Variants in GRID1 observed in about 807,000 individuals in gnomAD.
The protein encoded by GRID1 is glutamate receptor ionotropic, delta-1.
Under a neutral mutation model 98.0 loss-of-function variants are expected in GRID1, and 28 were observed. The ratio of observed to expected loss-of-function variants is 0.29; its 90% confidence interval spans 0.21 to 0.39. GRID1 has a LOEUF of 0.39. Ranked by LOEUF, GRID1 falls within the 10% of genes least tolerant of loss-of-function variation. The probability of loss-of-function intolerance (pLI) is 1.00; values close to 1 mark genes in which losing one functional copy is unlikely to be tolerated. For missense variants in GRID1, 1,111 were observed against 1,340.5 expected (o/e 0.83, Z 2.67); for synonymous variants, 553 against 538.5 (o/e 1.03, Z -0.37).
chr10:85,835,083 G>A (rs976159611), intron 8 of GRID1, among the ~76,000 whole-genome samples: 2 of 152,022 alleles, frequency 1.3e-5, no homozygotes, highest in African/African-American at 4.8e-5. Context: ...GAGATAAAGA[G>A]GGACATTACA....
At chr10:86,344,359 A>G (rs142283485) in intron 2 of GRID1, among the ~76,000 whole-genome samples, 290 of 152,358 alleles carry the variant, frequency 1.9e-3, no homozygotes, top group African/African-American at 6.4e-3. Flanking sequence ...CACAGCCAAT[A>G]AGAGGCAGAA....
At chr10:86,364,918 G>C (rs567276252) in intron 1 of GRID1, among the ~76,000 whole-genome samples, 5 of 152,320 alleles carry the variant, frequency 3.3e-5, no homozygotes, top group Admixed American at 1.3e-4. Context: ...CAGCTTCCAC[G>C]GACCCTGCGC....
intron 6 of GRID1, among the ~76,000 whole-genome samples, chr10:85,865,464 TGGTCC>T (rs1271526048): frequency 2.6e-5 from 4 of 152,158 alleles, no homozygotes; most frequent in Non-Finnish European, 5.9e-5. Context: ...CTGTTCTTCT[TGGTCC>T]TCCCAGAAAC....
chr10:86,276,852 T>C (rs1847278463), intron 2 of GRID1, among the ~76,000 whole-genome samples: 5 of 151,300 alleles, frequency 3.3e-5, no homozygotes, highest in Admixed American at 3.3e-4. Context: ...TGGGACGACA[T>C]ATTTCAAGTG....
rs1842553936 is a variant in GRID1 at position 85,600,122 on chromosome 10, A to C, written c.*2151T>G. 1 of 152,270 alleles carries C rather than the reference A, an allele frequency of 6.6e-6. No individual in the cohort carries two copies. The highest frequency in any genetic ancestry group is 2.1e-4 in the South Asian group (1 of 4,804). 9.4% of individuals were successfully genotyped at this position (152,270 alleles called of 1,614,324 possible). ...AGGCAGTGAGACCAGAGTTTGATTA[A>C]AAAAATAGAGAGATATATATGTGAA... On this transcript the variant is annotated 3_prime_UTR_variant, in exon 16 of 16. Transcript: ENST00000327946.
chr10:85,694,411 T>C lies in GRID1; in HGVS notation c.1997+28592A>G, dbSNP rs370035961. ...GGATAGAACTACCATTTGATCCCAC[T>C]ACTGAATATCTAACCAACGGAAAAC... On this transcript the variant is annotated intron_variant, in intron 12 of 15. Coordinates refer to ENST00000327946, the MANE Select transcript of GRID1 (RefSeq NM_017551.3). 5.9e-5 allele frequency among the ~76,000 whole-genome samples: 9 copies of C among 151,668 alleles called. No individual in the cohort carries two copies. The East Asian group carries it at 1.5e-3, about 26-fold the overall frequency.
At chr10:85,772,917 C>T (rs1268219831) in intron 8 of GRID1, among the ~76,000 whole-genome samples, 17 of 152,156 alleles carry the variant, frequency 1.1e-4, no homozygotes, top group Non-Finnish European at 2.4e-4. Flanking sequence ...GGTACCATTC[C>T]TTCTGAAACT....
At chr10:85,939,323 A>T (rs1044626773) in intron 4 of GRID1, among the ~76,000 whole-genome samples, 1 of 152,206 alleles carries the variant, frequency 6.6e-6, no homozygotes, top group African/African-American at 2.4e-5. Flanking sequence ...CTCTTTATTG[A>T]TGCTGCCATA....
chr10:85,998,933 C>A (rs866368995), intron 4 of GRID1, among the ~76,000 whole-genome samples: 1 of 152,196 alleles, frequency 6.6e-6, no homozygotes, highest in South Asian at 2.1e-4. Context: ...ACAAATAAGG[C>A]CAGGCACAGT....
intron 4 of GRID1, among the ~76,000 whole-genome samples, chr10:86,125,760 A>C (rs544127391): frequency 2.0e-5 from 3 of 152,278 alleles, no homozygotes; most frequent in Non-Finnish European, 4.4e-5. Context: ...CCTACTCAAC[A>C]TGAAGATAAC....
intron 3 of GRID1, among the ~76,000 whole-genome samples, chr10:86,156,037 GAGA>G (rs1206389159): frequency 2.6e-5 from 4 of 152,212 alleles, no homozygotes; most frequent in African/African-American, 9.6e-5. Context: ...AAGCAGGCTG[GAGA>G]AGGAGTCAGA....
intron 8 of GRID1, among the ~76,000 whole-genome samples, chr10:85,743,763 T>G (rs907172011): frequency 1.3e-5 from 2 of 152,198 alleles, no homozygotes; most frequent in African/African-American, 4.8e-5. Context: ...TTAGAAATTT[T>G]TCACATGCAG....
chr10:85,662,877 T>A (rs1258673070), intron 12 of GRID1, among the ~76,000 whole-genome samples: 3 of 152,180 alleles, frequency 2.0e-5, no homozygotes, highest in African/African-American at 7.2e-5. Flanking sequence ...TCTGACTCTT[T>A]AGGCCTCGAA....
intron 4 of GRID1, among the ~76,000 whole-genome samples, chr10:86,042,778 G>A (rs1305110982): frequency 6.6e-6 from 1 of 152,136 alleles, no homozygotes; most frequent in Non-Finnish European, 1.5e-5. Context: ...AAAACTTTCT[G>A]AGAAGCCATC....
Position 86,206,314 on chromosome 10 carries a change from T to C in GRID1, c.520+50A>G. 1 of 1,543,252 alleles carries C rather than the reference T, an allele frequency of 6.5e-7. No individual in the cohort carries two copies. Among genetic ancestry groups the C allele is most frequent in the Non-Finnish European group, 8.8e-7 (1 of 1,139,396 alleles). On this transcript the variant is annotated intron_variant, in intron 3 of 15. Transcript: ENST00000327946. This position sits in a 1 kb window ranked among gnomAD's most constrained non-coding sequence, Gnocchi z 4.1. ...ACCCACTCTCAGGTCTCCCAGCATC[T>C]GGCCATCCCTGTCCCCAAGCAGCCC...
intron 2 of GRID1, among the ~76,000 whole-genome samples, chr10:86,270,945 A>G (rs1053630219): frequency 6.6e-6 from 1 of 152,188 alleles, no homozygotes; most frequent in Non-Finnish European, 1.5e-5. Flanking sequence ...CACAGGAGGC[A>G]GAGTCTAGCA....
chr10:86,122,822 C>T (rs747216449), intron 4 of GRID1, among the ~76,000 whole-genome samples: 1 of 152,228 alleles, frequency 6.6e-6, no homozygotes, highest in Non-Finnish European at 1.5e-5. Flanking sequence ...CTGAGGGCCA[C>T]CCCTGACGTG....
At chr10:86,055,980 C>T (rs1215507716) in intron 4 of GRID1, among the ~76,000 whole-genome samples, 1 of 152,226 alleles carries the variant, frequency 6.6e-6, no homozygotes, top group African/African-American at 2.4e-5. Context: ...GTTTAAGCCA[C>T]CCAGGCTATG....
chr10:85,650,537 C>T (rs1843254639), intron 12 of GRID1, among the ~76,000 whole-genome samples: 1 of 152,212 alleles, frequency 6.6e-6, no homozygotes, highest in Admixed American at 6.5e-5. Context: ...GCAAGGAATA[C>T]ATGGCAGGCA....
Sources: allele counts gnomAD v4.1 joint callset (sites outside exome capture counted in the v4.1 genomes callset), GRCh38; gene constraint gnomAD v4.1.1; non-coding constraint Gnocchi (gnomAD v3.1); transcripts MANE v1.5; gene names NCBI Gene and HGNC (gene_info 2026-07-23, HGNC 2026-07-21).